LRRC1: variants seen among roughly 807,000 people sequenced by gnomAD.
The protein encoded by LRRC1 is leucine-rich repeat-containing protein 1.
In LRRC1, 28 loss-of-function variants were observed where a neutral mutation model predicts 69.9. The ratio of observed to expected loss-of-function variants is 0.40; its 90% CI spans 0.30 to 0.55. The LOEUF (loss-of-function observed/expected upper bound fraction) is 0.55. LRRC1 is among the 20% of genes least tolerant of loss of function. The pLI is 0.47. For synonymous variants in LRRC1, 236 were observed against 240.2 expected, an observed-to-expected ratio of 0.98 and a Z score of 0.16; for missense variants, 498 against 609.0, an observed-to-expected ratio of 0.82 and a Z score of 1.92.
At chr6:53,907,048 C>T (rs912610668) in intron 10 of LRRC1, among the ~76,000 whole-genome samples, 14 of 152,348 alleles carry the variant, frequency 9.2e-5, no homozygotes. Flanking sequence ...CCTGACCTCT[C>T]ATTGCATCAC....
intron 10 of LRRC1, among the ~76,000 whole-genome samples, chr6:53,910,788 T>A (rs897533128): frequency 1.3e-5 from 2 of 152,254 alleles, no homozygotes; most frequent in African/African-American, 4.8e-5. Context: ...CCCAGGTCTG[T>A]ATGGTCTCAA....
chr6:53,812,689 CAAAAAAAAA>C lies in LRRC1; in HGVS notation c.159+17291_159+17299del, dbSNP rs10580267. 3.3e-4 allele frequency among the ~76,000 whole-genome samples: 26 copies of C among 79,120 alleles called. No individual in the cohort carries two copies. In the East Asian group the frequency reaches 6.4e-3, roughly 20 times the overall value. 51.9% of individuals were successfully genotyped at this position (79,120 alleles called of 152,430 possible). A position where few individuals can be genotyped will look rare whatever the true frequency, so the allele number is the denominator to read the frequency against. On this transcript the variant is annotated intron_variant, in intron 1 of 13. Coordinates refer to ENST00000370888, the MANE Select transcript of LRRC1 (RefSeq NM_018214.5). Reference sequence around the variant, plus strand: ...TGGGCAAGAGTGCAAGACTCCGTCTCAAAAAAAAAAAAAAAAAAAAAAAAATTTGAAGAA... The same window carrying C: ...TGGGCAAGAGTGCAAGACTCCGTCTCAAAAAAAAAAAAAAAATTTGAAGAA...
intron 2 of LRRC1, among the ~76,000 whole-genome samples, chr6:53,858,717 T>G (rs1346111611): frequency 6.6e-6 from 1 of 152,162 alleles, no homozygotes; most frequent in Non-Finnish European, 1.5e-5. Flanking sequence ...TAGGAATGCT[T>G]ATTATATGGA....
rs376830601 is a variant in LRRC1 at position 53,916,569 on chromosome 6, A to G, written c.1106+2600A>G. ...TATTTGTGCATTATACCCAAATACT[A>G]ATAGTAGTTCCCCTAGATGAGACTT... On this transcript the variant is annotated intron_variant, in intron 11 of 13. Coordinates refer to ENST00000370888, the MANE Select transcript of LRRC1 (RefSeq NM_018214.5). 7.9e-5 allele frequency among the ~76,000 whole-genome samples: 12 copies of G among 152,304 alleles called. No homozygotes were observed. In the East Asian group the frequency reaches 1.5e-3, roughly 20 times the overall value.
intron 10 of LRRC1, among the ~76,000 whole-genome samples, chr6:53,911,538 A>G (rs537198500): frequency 6.6e-6 from 1 of 152,282 alleles, no homozygotes; most frequent in South Asian, 2.1e-4. Context: ...GAATGATAAT[A>G]TCTGCTTTGC....
intron 1 of LRRC1, among the ~76,000 whole-genome samples, chr6:53,824,067 A>G (rs958224577): frequency 1.0e-4 from 15 of 149,812 alleles, no homozygotes; most frequent in Non-Finnish European, 2.2e-4. Flanking sequence ...GAATCGCCAT[A>G]CTCTTTCCCA....
intron 1 of LRRC1, among the ~76,000 whole-genome samples, chr6:53,808,995 C>T (rs573538211): frequency 6.6e-6 from 1 of 152,302 alleles, no homozygotes; most frequent in South Asian, 2.1e-4. Context: ...TTCCTACTTT[C>T]AGGATGTAAC....
chr6:53,863,374 G>C (rs1262083630), intron 2 of LRRC1, among the ~76,000 whole-genome samples: 1 of 152,096 alleles, frequency 6.6e-6, no homozygotes, highest in Admixed American at 6.6e-5. Context: ...TGCCTCTTCT[G>C]TGGATGAGTG....
chr6:53,826,197 CTT>C (rs58959665), intron 1 of LRRC1, among the ~76,000 whole-genome samples: 90 of 138,332 alleles, frequency 6.5e-4, no homozygotes, highest in East Asian at 4.1e-3. Flanking sequence ...ACATATCTGC[CTT>C]TTTTTTTTTT....
At chr6:53,918,974 T>C (rs1768652518) in intron 11 of LRRC1, 1 of 152,220 alleles carries the variant, frequency 6.6e-6, no homozygotes, top group Non-Finnish European at 1.5e-5. Context: ...CCATCCAAAA[T>C]GGTGTTTAAT....
intron 11 of LRRC1, among the ~76,000 whole-genome samples, chr6:53,914,656 A>G (rs1768510853): frequency 6.6e-6 from 1 of 152,166 alleles, no homozygotes; most frequent in Admixed American, 6.5e-5. Flanking sequence ...ATTCTGAGCT[A>G]ATTTCAGCAC....
intron 8 of LRRC1, among the ~76,000 whole-genome samples, chr6:53,901,004 T>C (rs1187337759): frequency 6.6e-6 from 1 of 152,140 alleles, no homozygotes; most frequent in Non-Finnish European, 1.5e-5. Flanking sequence ...TCAGTAGAAA[T>C]TCAGACATTG....
intron 9 of LRRC1, 66 bp downstream of exon 9, chr6:53,902,813 G>C (rs937032055): frequency 2.0e-6 from 2 of 997,522 alleles, no homozygotes; most frequent in Non-Finnish European, 3.0e-6. Flanking sequence ...TTTGTAATTT[G>C]AGTGGACTAA....
At chr6:53,898,558 A>G (rs1767946347) in intron 7 of LRRC1, among the ~76,000 whole-genome samples, 1 of 152,252 alleles carries the variant, frequency 6.6e-6, no homozygotes, top group Admixed American at 6.5e-5. Context: ...GATTATTTAA[A>G]AATCTCATTT....
At chr6:53,861,526 C>T (rs576336824) in intron 2 of LRRC1, among the ~76,000 whole-genome samples, 2 of 150,828 alleles carry the variant, frequency 1.3e-5, no homozygotes, top group South Asian at 2.1e-4. Flanking sequence ...ATTCTTTAAG[C>T]GGGTCAGATG....
At position 53,795,064 on chromosome 6, in the gene LRRC1, C is replaced by T. The variant is rs1473480974; in HGVS notation, c.-193C>T. 2 of 470,084 alleles carry T rather than the reference C, an allele frequency of 4.3e-6. No homozygotes were observed. Among genetic ancestry groups the T allele is most frequent in the Non-Finnish European group, 7.4e-6 (2 of 271,068 alleles). 29.1% of individuals were successfully genotyped at this position (470,084 alleles called of 1,614,324 possible). A position where few individuals can be genotyped will look rare whatever the true frequency, so the allele number is the denominator to read the frequency against. Reference sequence around the variant, plus strand: ...CGGCTGGCGGGCGGGGGTACAGGGACGGGGCAGGGGCTCCCGCTCCAGGTT... The same window carrying T: ...CGGCTGGCGGGCGGGGGTACAGGGATGGGGCAGGGGCTCCCGCTCCAGGTT... On this transcript the variant is annotated 5_prime_UTR_variant, in exon 1 of 14. It adds an upstream start codon to the 5' untranslated region. Transcript: ENST00000370888.
At chr6:53,844,438 T>C (rs1017515278) in intron 2 of LRRC1, among the ~76,000 whole-genome samples, 5 of 152,230 alleles carry the variant, frequency 3.3e-5, no homozygotes, top group Admixed American at 3.3e-4. Context: ...AATGGGATGC[T>C]CCGTGGGAAG....
At chr6:53,864,453 C>G (rs1346573891) in intron 2 of LRRC1, among the ~76,000 whole-genome samples, 1 of 152,172 alleles carries the variant, frequency 6.6e-6, no homozygotes, top group Non-Finnish European at 1.5e-5. Flanking sequence ...TGGAGCTGAT[C>G]AAATCTGACT....
At chr6:53,864,959 A>G (rs1766648642) in intron 2 of LRRC1, among the ~76,000 whole-genome samples, 1 of 152,140 alleles carries the variant, frequency 6.6e-6, no homozygotes, top group African/African-American at 2.4e-5. Context: ...TGTGCTTAAA[A>G]AATATAAAGT....
Sources: allele counts gnomAD v4.1 joint callset (sites outside exome capture counted in the v4.1 genomes callset), GRCh38; gene constraint gnomAD v4.1.1; transcripts MANE v1.5; gene names NCBI Gene and HGNC (gene_info 2026-07-23, HGNC 2026-07-21).